IL1RAPL1: variants seen among roughly 807,000 people sequenced by gnomAD.
The protein encoded by IL1RAPL1 is interleukin-1 receptor accessory protein-like 1.
In IL1RAPL1, 3 loss-of-function variants were observed where a neutral mutation model predicts 48.4. The observed-to-expected ratio is 0.06, with a 90% CI of 0.03 to 0.16. The LOEUF is 0.16. Among genes scored for constraint, IL1RAPL1 ranks in the 10% least tolerant of loss-of-function variants. The probability of loss-of-function intolerance (pLI) is 1.00; values close to 1 mark genes in which losing one functional copy is unlikely to be tolerated. For synonymous variants in IL1RAPL1, 185 were observed against 187.7 expected (o/e 0.99, Z 0.12); for missense variants, 349 against 530.6 (o/e 0.66, Z 3.36).
At chrX:29,743,654 T>G (rs11095158) in intron 6 of IL1RAPL1, among the ~76,000 whole-genome samples, 39,975 of 109,531 alleles carry the variant, frequency 0.36, 5,302 homozygotes, top group Admixed American at 0.48. Context: ...CCAGCTAACT[T>G]TTGTATTTTT....
chrX:29,798,342 A>G (rs139174273), intron 6 of IL1RAPL1, among the ~76,000 whole-genome samples: 1,629 of 111,971 alleles, frequency 0.015, 25 homozygotes, highest in African/African-American at 0.05. Context: ...TTCATCCTGA[A>G]AAGAAATATA....
chrX:29,252,372 A>G (rs1318350719), intron 2 of IL1RAPL1, among the ~76,000 whole-genome samples: 2 of 114,076 alleles, frequency 1.8e-5, no homozygotes, highest in South Asian at 3.4e-4. Flanking sequence ...GTTGATCACT[A>G]GATTTCTCTA....
At chrX:29,033,485 G>A (rs1006324585) in intron 2 of IL1RAPL1, among the ~76,000 whole-genome samples, 2 of 111,174 alleles carry the variant, frequency 1.8e-5, no homozygotes, top group African/African-American at 6.5e-5. Context: ...TGGATACACG[G>A]TGGAGAGTTT....
At chrX:29,021,049 C>T (rs1926352882) in intron 2 of IL1RAPL1, among the ~76,000 whole-genome samples, 2 of 108,929 alleles carry the variant, frequency 1.8e-5, no homozygotes, top group Admixed American at 9.8e-5. Context: ...CATGGTGAAA[C>T]CCTATCTCTA....
At chrX:29,804,870 C>T (rs966244294) in intron 6 of IL1RAPL1, among the ~76,000 whole-genome samples, 19 of 111,755 alleles carry the variant, frequency 1.7e-4, no homozygotes, top group African/African-American at 3.6e-4. Flanking sequence ...GTGGTCTCAC[C>T]GAGGAACATG....
intron 1 of IL1RAPL1, among the ~76,000 whole-genome samples, chrX:28,634,457 A>G (rs752313747): frequency 9.2e-6 from 1 of 109,072 alleles, no homozygotes; most frequent in Non-Finnish European, 1.9e-5. Context: ...ATATGTATAT[A>G]TGTGTATATA....
Position 29,006,647 on chromosome X carries a change from ATGTGTGTGTG to A in IL1RAPL1, c.82+217260_82+217269del, listed in dbSNP as rs547186942. Reference sequence around the variant, plus strand: ...CCCACATTTGTGTGTGTTTATATATATGTGTGTGTGTGTGTGTGTGTGTGTGTGTGTGTGT... The same window carrying A: ...CCCACATTTGTGTGTGTTTATATATATGTGTGTGTGTGTGTGTGTGTGTGT... On this transcript the variant is annotated intron_variant, in intron 2 of 10. Transcript: ENST00000378993. 3.1e-3 allele frequency among the ~76,000 whole-genome samples: 238 copies of A among 76,926 alleles called. 2 individuals carry two copies. Among genetic ancestry groups the A allele is most frequent in the East Asian group, 0.021 (48 of 2,249 alleles). The allele number at this position is 76,926 out of a possible 115,157, so 66.8% of individuals were successfully genotyped here.
chrX:29,278,182 C>G (rs1456631313), intron 2 of IL1RAPL1, among the ~76,000 whole-genome samples: 1 of 111,599 alleles, frequency 9.0e-6, no homozygotes. Flanking sequence ...AGTTTGTTAC[C>G]ATGAACATAT....
chrX:28,664,879 A>T (rs1934858963), intron 1 of IL1RAPL1, among the ~76,000 whole-genome samples: 1 of 111,694 alleles, frequency 9.0e-6, no homozygotes, highest in African/African-American at 3.3e-5. Context: ...TTCATGTGCA[A>T]GGGAAGAGCA....
chrX:29,327,488 A>G (rs1303875028), intron 3 of IL1RAPL1, among the ~76,000 whole-genome samples: 1 of 104,658 alleles, frequency 9.6e-6, no homozygotes, highest in Non-Finnish European at 1.9e-5. Context: ...ACTCTTAGCT[A>G]GGTAATATTA....
intron 6 of IL1RAPL1, among the ~76,000 whole-genome samples, chrX:29,906,935 A>G (rs1932645392): frequency 9.0e-6 from 1 of 111,265 alleles, no homozygotes; most frequent in African/African-American, 3.3e-5. Flanking sequence ...TAAGAAAAAA[A>G]TGTAACATCT....
intron 6 of IL1RAPL1, among the ~76,000 whole-genome samples, chrX:29,740,235 TA>T (rs1022807087): frequency 1.8e-5 from 2 of 110,997 alleles, no homozygotes; most frequent in Non-Finnish European, 3.8e-5. Context: ...ATATAGTAAG[TA>T]CTTTCTCCTT....
chrX:29,535,695 C>T (rs958337437), intron 5 of IL1RAPL1, among the ~76,000 whole-genome samples: 2 of 111,413 alleles, frequency 1.8e-5, no homozygotes, highest in African/African-American at 3.3e-5. Context: ...AGGAGGATCT[C>T]GATAAAATAT....
intron 2 of IL1RAPL1, among the ~76,000 whole-genome samples, chrX:29,282,043 T>C (rs1006644253): frequency 2.3e-4 from 26 of 111,018 alleles, no homozygotes; most frequent in African/African-American, 7.9e-4. Flanking sequence ...ACTAATCCCA[T>C]CAAGAGCCTC....
chrX:29,542,921 C>T (rs764568674), intron 5 of IL1RAPL1, among the ~76,000 whole-genome samples: 2 of 111,654 alleles, frequency 1.8e-5, no homozygotes, highest in African/African-American at 6.5e-5. Flanking sequence ...AAAACTGGAA[C>T]ATCTTTAGAA....
At chrX:29,264,424 TAAGA>T (rs1373765744) in intron 2 of IL1RAPL1, among the ~76,000 whole-genome samples, 4 of 110,534 alleles carry the variant, frequency 3.6e-5, no homozygotes, top group African/African-American at 1.3e-4. Context: ...GTTCCATCTG[TAAGA>T]AAGCATTATC....
intron 6 of IL1RAPL1, among the ~76,000 whole-genome samples, chrX:29,747,453 G>A (rs927180505): frequency 8.9e-6 from 1 of 112,232 alleles, no homozygotes; most frequent in Non-Finnish European, 1.9e-5. Context: ...ATGCATATTT[G>A]TTTATTTATC....
At chrX:29,370,803 T>A (rs956977201) in intron 3 of IL1RAPL1, among the ~76,000 whole-genome samples, 1 of 110,149 alleles carries the variant, frequency 9.1e-6, no homozygotes, top group African/African-American at 3.3e-5. Flanking sequence ...AATAATAGAG[T>A]TGCAAGTTAA....
chrX:29,876,969 CTT>C (rs1254222066), intron 6 of IL1RAPL1, among the ~76,000 whole-genome samples: 1 of 111,730 alleles, frequency 9.0e-6, no homozygotes, highest in African/African-American at 3.3e-5. Context: ...CAGAGGGAGA[CTT>C]TTAATCATTT....
Sources: allele counts gnomAD v4.1 joint callset (sites outside exome capture counted in the v4.1 genomes callset), GRCh38; gene constraint gnomAD v4.1.1; transcripts MANE v1.5; gene names NCBI Gene and HGNC (gene_info 2026-07-23, HGNC 2026-07-21).